The following CNTNAP2 variants were observed in gnomAD, a reference collection of about 807,000 sequenced individuals.
CNTNAP2 encodes the protein contactin-associated protein-like 2.
CNTNAP2 carries 98 observed loss-of-function variants against 155.2 expected under a neutral mutation model. That is an observed-to-expected ratio of 0.63 (90% CI 0.54 to 0.75). The LOEUF (loss-of-function observed/expected upper bound fraction) is 0.75. Among genes scored for constraint, CNTNAP2 ranks in the 30% least tolerant of loss-of-function variants. The pLI, the probability that CNTNAP2 is intolerant of heterozygous loss-of-function variation, is 0.00. For synonymous variants in CNTNAP2, 651 were observed against 631.2 expected, an observed-to-expected ratio of 1.03 and a Z score of -0.47; for missense variants, 1,727 against 1,688.1, an observed-to-expected ratio of 1.02 and a Z score of -0.40.
At chr7:147,024,306 T>C (rs886664089) in intron 3 of CNTNAP2, among the ~76,000 whole-genome samples, 10 of 152,316 alleles carry the variant, frequency 6.6e-5, no homozygotes, top group Admixed American at 6.5e-4. Context: ...TCTATGCAAC[T>C]GGTAAAACCT....
intron 4 of CNTNAP2, among the ~76,000 whole-genome samples, chr7:147,046,948 C>T (rs1279128960): frequency 6.9e-6 from 1 of 145,012 alleles, no homozygotes; most frequent in Non-Finnish European, 1.5e-5. Flanking sequence ...AGGAGAATGG[C>T]GTGAACCCGG....
chr7:146,578,093 C>A (rs1432976480), intron 1 of CNTNAP2, among the ~76,000 whole-genome samples: 5 of 152,076 alleles, frequency 3.3e-5, no homozygotes, highest in Admixed American at 1.3e-4. Context: ...TTCCTAATTT[C>A]TTTAATACTG....
At chr7:146,265,798 A>C (rs1799985722) in intron 1 of CNTNAP2, among the ~76,000 whole-genome samples, 1 of 152,124 alleles carries the variant, frequency 6.6e-6, no homozygotes, top group African/African-American at 2.4e-5. Context: ...AATTCAGTGC[A>C]ATTTGATCAT....
intron 14 of CNTNAP2, among the ~76,000 whole-genome samples, chr7:147,960,904 T>G (rs758361694): frequency 6.6e-6 from 1 of 152,074 alleles, no homozygotes; most frequent in African/African-American, 2.4e-5. Flanking sequence ...GAAATCATGG[T>G]GATAAGTAGA....
intron 3 of CNTNAP2, among the ~76,000 whole-genome samples, chr7:146,903,144 C>G (rs986199445): frequency 6.6e-6 from 1 of 152,186 alleles, no homozygotes; most frequent in Non-Finnish European, 1.5e-5. Context: ...TTGTTCAGTT[C>G]AGGTAATGCC....
Position 148,192,646 on chromosome 7 carries a change from A to G in CNTNAP2, c.3010+20168A>G, listed in dbSNP as rs77469596. Among the ~76,000 whole-genome samples the G allele has an allele frequency of 5.9e-5, 9 of 152,300 alleles. No individual in the cohort carries two copies. In the East Asian group the frequency reaches 1.3e-3, roughly 23 times the overall value. ...CGTCTCAAAAAATAAAAAACCTCCA[A>G]TAAAATATGGCAATGCTCATTGCCA... On this transcript the variant is annotated intron_variant, in intron 18 of 23. Coordinates refer to ENST00000361727, the MANE Select transcript of CNTNAP2 (RefSeq NM_014141.6).
At chr7:147,714,522 AAG>A (rs912374735) in intron 13 of CNTNAP2, among the ~76,000 whole-genome samples, 3 of 151,960 alleles carry the variant, frequency 2.0e-5, no homozygotes, top group African/African-American at 7.2e-5. Context: ...TAGAGGGATG[AAG>A]AGAGTGTTTA....
intron 11 of CNTNAP2, chr7:147,497,029 T>C (rs1009745327): frequency 5.3e-5 from 8 of 152,184 alleles, no homozygotes; most frequent in Admixed American, 2.0e-4. Flanking sequence ...TAGTTTCTTA[T>C]AAAAAATGCA....
intron 1 of CNTNAP2, among the ~76,000 whole-genome samples, chr7:146,585,748 G>GAAAGAAAGAAAGAAAGAAAGA (rs11464190): frequency 1.5e-5 from 2 of 130,532 alleles, no homozygotes; most frequent in Non-Finnish European, 3.0e-5. Context: ...GAAAAAGAAA[G>GAAAGAAAGAAAGAAAGAAAGA]AAGGAAAGAA....
intron 8 of CNTNAP2, among the ~76,000 whole-genome samples, chr7:147,199,047 C>T (rs1352154602): frequency 3.4e-5 from 5 of 147,490 alleles, no homozygotes; most frequent in Non-Finnish European, 4.4e-5. Context: ...CTGCAACCTT[C>T]GCCTCCTGGG....
chr7:147,359,342 C>G (rs1434865754), intron 9 of CNTNAP2, among the ~76,000 whole-genome samples: 1 of 152,144 alleles, frequency 6.6e-6, no homozygotes, highest in South Asian at 2.1e-4. Context: ...GCCCCTATAG[C>G]TGTCACCTCG....
intron 13 of CNTNAP2, among the ~76,000 whole-genome samples, chr7:147,757,862 CG>C (rs1797235586): frequency 6.6e-6 from 1 of 152,024 alleles, no homozygotes; most frequent in Admixed American, 6.6e-5. Context: ...AGCAAGTTGC[CG>C]TCTTGATTAC....
intron 1 of CNTNAP2, among the ~76,000 whole-genome samples, chr7:146,596,598 AG>A (rs1563149954): frequency 2.7e-5 from 1 of 37,398 alleles, no homozygotes; most frequent in African/African-American, 1.6e-4. Flanking sequence ...AGGGAGACAG[AG>A]AGAGAGAGAG....
intron 11 of CNTNAP2, among the ~76,000 whole-genome samples, chr7:147,507,159 C>A (rs1798921347): frequency 6.6e-6 from 1 of 152,164 alleles, no homozygotes; most frequent in South Asian, 2.1e-4. Context: ...CCCCGCTCTG[C>A]TTCCTTCAGA....
chr7:146,864,038 G>T (rs142329533), intron 3 of CNTNAP2, among the ~76,000 whole-genome samples: 1 of 151,574 alleles, frequency 6.6e-6, no homozygotes, highest in East Asian at 1.9e-4. Flanking sequence ...AACCTTTTTT[G>T]GTGGCCATTA....
At chr7:147,197,162 T>C (rs895348654) in intron 8 of CNTNAP2, among the ~76,000 whole-genome samples, 2 of 152,036 alleles carry the variant, frequency 1.3e-5, no homozygotes, top group African/African-American at 2.4e-5. Context: ...ACTTTGTAAC[T>C]TCACTTCAGC....
chr7:146,608,931 A>G (rs946728120), intron 1 of CNTNAP2, among the ~76,000 whole-genome samples: 2 of 152,110 alleles, frequency 1.3e-5, no homozygotes, highest in African/African-American at 4.8e-5. Context: ...AATAATTCAA[A>G]GTTTTTCCTC....
intron 15 of CNTNAP2, among the ~76,000 whole-genome samples, chr7:148,036,422 T>A (rs1442030407): frequency 2.0e-5 from 3 of 152,096 alleles, no homozygotes; most frequent in Non-Finnish European, 4.4e-5. Context: ...AGTGCCATTA[T>A]CTTAGAAGTG....
intron 22 of CNTNAP2, among the ~76,000 whole-genome samples, chr7:148,405,724 T>C (rs927344557): frequency 6.9e-6 from 1 of 144,992 alleles, no homozygotes; most frequent in Non-Finnish European, 1.5e-5. Flanking sequence ...CAAGTGATTC[T>C]CCTGCCTCAG....
Sources: gnomAD v4.1 joint callset for allele counts (sites outside exome capture counted in the v4.1 genomes callset) on GRCh38, gnomAD v4.1.1 for gene constraint, MANE v1.5 for transcripts, NCBI Gene and HGNC (gene_info 2026-07-23, HGNC 2026-07-21) for gene names.